Variants in TIPIN observed in about 807,000 individuals in gnomAD.
TIPIN encodes the protein TIMELESS-interacting protein.
A neutral mutation model predicts 35.6 loss-of-function variants in TIPIN; 29 were observed. The observed-to-expected ratio is 0.82, with a 90% CI of 0.61 to 1.11. The LOEUF (loss-of-function observed/expected upper bound fraction) is 1.11. Ranked by LOEUF, TIPIN falls within the 50% of genes most tolerant of loss-of-function variation. The probability of loss-of-function intolerance (pLI) is 0.00; values close to 1 mark genes in which losing one functional copy is unlikely to be tolerated. For missense variants in TIPIN, 296 were observed against 345.4 expected (o/e 0.86, Z 1.13); for synonymous variants, 102 against 121.5 (o/e 0.84, Z 1.06).
chr15:66,338,321 C>G (rs775227159), intron 7 of TIPIN, among the ~76,000 whole-genome samples: 65 of 152,088 alleles, frequency 4.3e-4, no homozygotes, highest in Non-Finnish European at 6.6e-4. Flanking sequence ...GGTTTTATGT[C>G]AGAGTGATCC....
upstream of TIPIN, among the ~76,000 whole-genome samples, chr15:66,359,861 A>G (rs1264131401): frequency 6.6e-6 from 1 of 151,998 alleles, no homozygotes; most frequent in Non-Finnish European, 1.5e-5. Flanking sequence ...AGATACTGAT[A>G]CTCTTGAAGG....
At chr15:66,338,738 C>A (rs1028670047) in intron 7 of TIPIN, among the ~76,000 whole-genome samples, 1 of 139,636 alleles carries the variant, frequency 7.2e-6, no homozygotes, top group Admixed American at 7.9e-5. Context: ...GGCATGGACA[C>A]GGGAGGCGGG....
intron 1 of TIPIN, among the ~76,000 whole-genome samples, chr15:66,384,038 C>T (rs1370089447): frequency 6.6e-6 from 1 of 151,930 alleles, no homozygotes; most frequent in Non-Finnish European, 1.5e-5. Context: ...GTTCTGTCGC[C>T]CAGGCTGGAG....
intron 1 of TIPIN, among the ~76,000 whole-genome samples, chr15:66,378,595 C>A (rs1025782822): frequency 1.3e-5 from 2 of 151,906 alleles, no homozygotes; most frequent in Non-Finnish European, 2.9e-5. Flanking sequence ...TTTTATTAAT[C>A]TTTGCCTTTA....
intron 1 of TIPIN, among the ~76,000 whole-genome samples, chr15:66,383,851 C>T (rs1472918728): frequency 2.0e-5 from 3 of 152,196 alleles, no homozygotes; most frequent in South Asian, 2.1e-4. Flanking sequence ...TTTAGCTGCT[C>T]GTCATACTTT....
At chr15:66,377,107 C>CAA (rs36061431) in intron 1 of TIPIN, among the ~76,000 whole-genome samples, 13,164 of 105,146 alleles carry the variant, frequency 0.13, 1,174 homozygotes, top group East Asian at 0.36. Context: ...GACTCCCTCT[C>CAA]AAAAAAAAAA....
intron 1 of TIPIN, among the ~76,000 whole-genome samples, chr15:66,373,630 G>T (rs1046166014): frequency 1.3e-5 from 2 of 152,124 alleles, no homozygotes; most frequent in African/African-American, 2.4e-5. Context: ...CACCATCAGT[G>T]TAAGGAAGTC....
intron 6 of TIPIN, among the ~76,000 whole-genome samples, chr15:66,342,881 T>G (rs1319422449): frequency 6.6e-6 from 1 of 152,186 alleles, no homozygotes; most frequent in Non-Finnish European, 1.5e-5. Context: ...GGTATTAAAG[T>G]AAATAATAGA....
chr15:66,362,708 A>G (rs538461930), intron 1 of TIPIN, among the ~76,000 whole-genome samples: 1 of 152,310 alleles, frequency 6.6e-6, no homozygotes, highest in African/African-American at 2.4e-5. Flanking sequence ...GCGACAGAAA[A>G]GACTACATCT....
chr15:66,353,387 G>A (rs1487863578), intron 1 of TIPIN, among the ~76,000 whole-genome samples: 1 of 152,124 alleles, frequency 6.6e-6, no homozygotes, highest in Admixed American at 6.5e-5. Flanking sequence ...GGAGGCCGAG[G>A]CGGGCGGATC....
chr15:66,368,332 C>A (rs559214253), intron 1 of TIPIN, among the ~76,000 whole-genome samples: 5 of 145,754 alleles, frequency 3.4e-5, no homozygotes, highest in African/African-American at 1.0e-4. Flanking sequence ...CGAGCCTAGG[C>A]AACATAGCAA....
intron 1 of TIPIN, among the ~76,000 whole-genome samples, chr15:66,366,117 G>A (rs972801850): frequency 1.3e-5 from 2 of 151,456 alleles, no homozygotes. Flanking sequence ...GCAGAATTGA[G>A]TTAGAGACCC....
At chr15:66,374,557 C>A (rs138778604) in intron 1 of TIPIN, among the ~76,000 whole-genome samples, 22 of 151,902 alleles carry the variant, frequency 1.4e-4, no homozygotes, top group African/African-American at 5.3e-4. Flanking sequence ...CCACCATCCT[C>A]GGCTAATTTT....
intron 6 of TIPIN, among the ~76,000 whole-genome samples, chr15:66,348,726 CT>C (rs1211382795): frequency 1.3e-5 from 2 of 151,114 alleles, no homozygotes; most frequent in Non-Finnish European, 2.9e-5. Flanking sequence ...CACAGTATGG[CT>C]TGAGGCCAGG....
chr15:66,384,828 C>A (rs1165589712), intron 1 of TIPIN, among the ~76,000 whole-genome samples: 1 of 151,854 alleles, frequency 6.6e-6, no homozygotes, highest in Non-Finnish European at 1.5e-5. Context: ...AGGAGAATCA[C>A]TTGAGCTTGG....
chr15:66,383,385 C>T (rs2093324997), intron 1 of TIPIN: 1 of 157,032 alleles, frequency 6.4e-6, no homozygotes, highest in African/African-American at 2.4e-5. Context: ...GCTTCAGCCT[C>T]CCAAGTAGCT....
intron 1 of TIPIN, among the ~76,000 whole-genome samples, chr15:66,369,671 G>A (rs141034293): frequency 2.6e-5 from 4 of 152,088 alleles, no homozygotes; most frequent in African/African-American, 4.8e-5. Flanking sequence ...AAATATACAC[G>A]AACTCATGAC....
At chr15:66,350,938 TAA>T (rs35214451) in intron 4 of TIPIN, among the ~76,000 whole-genome samples, 12 of 82,406 alleles carry the variant, frequency 1.5e-4, no homozygotes, top group Admixed American at 1.5e-4. Context: ...GACTCCGTCT[TAA>T]AAAAAAAAAA....
chr15:66,373,817 C>T (rs1240890290), intron 1 of TIPIN, among the ~76,000 whole-genome samples: 2 of 152,150 alleles, frequency 1.3e-5, no homozygotes, highest in Non-Finnish European at 2.9e-5. Flanking sequence ...ATCCTCTTAC[C>T]TCAGCCTCCT....
Sources: gnomAD v4.1 joint callset for allele counts (sites outside exome capture counted in the v4.1 genomes callset) on GRCh38, gnomAD v4.1.1 for gene constraint, MANE v1.5 for transcripts, NCBI Gene and HGNC (gene_info 2026-07-23, HGNC 2026-07-21) for gene names.